SLIT2: variants seen among roughly 807,000 people sequenced by gnomAD.
SLIT2 encodes the protein slit guidance ligand 2, also known as slit homolog 2 protein.
In SLIT2, 41 loss-of-function variants were observed where a neutral mutation model predicts 185.7. The observed-to-expected ratio is 0.22, with a 90% CI of 0.17 to 0.29. The LOEUF is 0.29. Among genes scored for constraint, SLIT2 ranks in the 10% least tolerant of loss-of-function variants. The probability of loss-of-function intolerance (pLI) is 1.00; values close to 1 mark genes in which losing one functional copy is unlikely to be tolerated. For missense variants in SLIT2, 1,571 were observed against 1,909.0 expected (o/e 0.82, Z 3.30); for synonymous variants, 693 against 680.2 (o/e 1.02, Z -0.29).
chr4:20,374,206 A>G (rs968544184), intron 4 of SLIT2, among the ~76,000 whole-genome samples: 3 of 152,100 alleles, frequency 2.0e-5, no homozygotes, highest in African/African-American at 7.2e-5. Flanking sequence ...GTCTGGAGGA[A>G]TGAACACCAG....
In SLIT2 at chr4:20,542,501, T is replaced by G; in HGVS notation, c.2151T>G (p.Asp717Glu). 6.2e-7 allele frequency: 1 copy of G among 1,613,478 alleles called. No individual in the cohort carries two copies. The highest frequency in any genetic ancestry group is 8.5e-7 in the Non-Finnish European group (1 of 1,179,678). The part of the protein sequence containing the change: ...IQDFTCDDGN[D>E]DNSCSPLSRC... Reference sequence around the variant, plus strand: ...ATTTCCTCTGCGATTTAGGAAATGATGACAATAGTTGCTCCCCACTTTCTC... The same window carrying G: ...ATTTCCTCTGCGATTTAGGAAATGAGGACAATAGTTGCTCCCCACTTTCTC... Residue 717 changes from aspartate to glutamate, a missense_variant, in exon 21 of 37, where the codon GAT becomes GAG. Around this residue, in one of 3 missense-constraint regions of SLIT2, gnomAD observed 1,202 missense variants for 1,416.4 expected, o/e 0.85. Coordinates refer to ENST00000504154, the MANE Select transcript of SLIT2 (RefSeq NM_004787.4).
chr4:20,580,849 T>C (rs914813399), intron 29 of SLIT2, among the ~76,000 whole-genome samples: 6 of 152,276 alleles, frequency 3.9e-5, no homozygotes, highest in Admixed American at 3.9e-4. Flanking sequence ...GCACCGCTTA[T>C]TACAGACTGA....
In SLIT2 at chr4:20,620,316, C is replaced by T. The variant is rs940185405; in HGVS notation, c.*1307C>T. 1 of 394,910 alleles carries T rather than the reference C, an allele frequency of 2.5e-6. No homozygotes were observed. Among genetic ancestry groups the T allele is most frequent in the Non-Finnish European group, 4.9e-6 (1 of 203,716 alleles). 24.5% of individuals were successfully genotyped at this position (394,910 alleles called of 1,614,324 possible). A position where few individuals can be genotyped will look rare whatever the true frequency, so the allele number is the denominator to read the frequency against. ...AAAACTCCTTTATTATCTTAATGCT[C>T]CCATGTTAACATGTTTGCTGCTAAA... On this transcript the variant is annotated 3_prime_UTR_variant, in exon 37 of 37. Coordinates refer to ENST00000504154, the MANE Select transcript of SLIT2 (RefSeq NM_004787.4).
At chr4:20,334,931 T>G (rs931434599) in intron 4 of SLIT2, among the ~76,000 whole-genome samples, 1 of 152,194 alleles carries the variant, frequency 6.6e-6, no homozygotes, top group East Asian at 1.9e-4. Context: ...ATATGTATAG[T>G]AATTAATAAA....
chr4:20,478,546 G>A (rs1716357371), intron 5 of SLIT2, among the ~76,000 whole-genome samples: 1 of 152,186 alleles, frequency 6.6e-6, no homozygotes, highest in Non-Finnish European at 1.5e-5. Context: ...TCCCCTTTGT[G>A]TATTGTGTGC....
chr4:20,347,308 C>T (rs927793559), intron 4 of SLIT2, among the ~76,000 whole-genome samples: 3 of 152,190 alleles, frequency 2.0e-5, no homozygotes, highest in African/African-American at 4.8e-5. Flanking sequence ...TTTCATGATA[C>T]CATATACTGT....
chr4:20,508,250 G>A (rs540067287), intron 9 of SLIT2, among the ~76,000 whole-genome samples: 4 of 152,108 alleles, frequency 2.6e-5, no homozygotes, highest in African/African-American at 9.6e-5. Context: ...GAACAGAGGA[G>A]TTAAGAGGAT....
intron 8 of SLIT2, chr4:20,490,829 CT>C: frequency 2.6e-6 from 4 of 1,514,068 alleles, no homozygotes; most frequent in Non-Finnish European, 2.7e-6. Flanking sequence ...GTTCACATTT[CT>C]TTTTTAGACC....
At chr4:20,275,363 C>A (rs921172772) in intron 4 of SLIT2, among the ~76,000 whole-genome samples, 1 of 152,074 alleles carries the variant, frequency 6.6e-6, no homozygotes, top group Non-Finnish European at 1.5e-5. Flanking sequence ...TGGGAAGGAT[C>A]ATACAATTTA....
chr4:20,584,422 ATAACATT>A (rs1726873228), intron 29 of SLIT2, among the ~76,000 whole-genome samples: 1 of 152,236 alleles, frequency 6.6e-6, no homozygotes, highest in Non-Finnish European at 1.5e-5. Flanking sequence ...AAGGTGACCC[ATAACATT>A]TATCATCCAA....
Position 20,528,545 on chromosome 4 carries a change from C to T in SLIT2, c.1463-404C>T, listed in dbSNP as rs1472858626. On this transcript the variant is annotated intron_variant, in intron 15 of 36. Coordinates refer to ENST00000504154, the MANE Select transcript of SLIT2 (RefSeq NM_004787.4). This position sits in a 1 kb window ranked among gnomAD's most constrained non-coding sequence, Gnocchi z 4.2. ...TAAAAGCCTGAGTATATCTATTTGC[C>T]TTGAAAGCCCTAATTTACAATGAGA... Among the ~76,000 whole-genome samples, 1 of 151,850 alleles carries T rather than the reference C, an allele frequency of 6.6e-6. No individual in the cohort carries two copies. Among genetic ancestry groups the T allele is most frequent in the Non-Finnish European group, 1.5e-5 (1 of 67,994 alleles).
chr4:20,507,261 A>G (rs752263471), intron 9 of SLIT2, among the ~76,000 whole-genome samples: 4 of 152,048 alleles, frequency 2.6e-5, no homozygotes, highest in Non-Finnish European at 4.4e-5. Flanking sequence ...GGTGACAATC[A>G]TTGAAATTAG....
intron 26 of SLIT2, among the ~76,000 whole-genome samples, chr4:20,555,923 G>A (rs147923355): frequency 6.6e-6 from 1 of 151,200 alleles, no homozygotes; most frequent in African/African-American, 2.4e-5. Context: ...TCATTTTTTT[G>A]CTCCAAAAAC....
chr4:20,275,504 C>T (rs1200840811), intron 4 of SLIT2, among the ~76,000 whole-genome samples: 1 of 152,198 alleles, frequency 6.6e-6, no homozygotes, highest in Non-Finnish European at 1.5e-5. Context: ...ATGATAGTCA[C>T]TCAGATGTCC....
chr4:20,451,696 C>A (rs1302194628), intron 4 of SLIT2, among the ~76,000 whole-genome samples: 1 of 152,122 alleles, frequency 6.6e-6, no homozygotes, highest in Non-Finnish European at 1.5e-5. Flanking sequence ...TTATGCAGTA[C>A]CTTTGTAACA....
In SLIT2 at chr4:20,619,034, T is replaced by C. The variant is rs770185039; in HGVS notation, c.*25T>C. 6.2e-7 allele frequency: 1 copy of C among 1,601,714 alleles called. No homozygotes were observed. Among genetic ancestry groups the C allele is most frequent in the Non-Finnish European group, 8.5e-7 (1 of 1,169,834 alleles). On this transcript the variant is annotated 3_prime_UTR_variant, in exon 37 of 37. Transcript: ENST00000504154. ...AACACACTCCCGGCAGCTCTGTCTT[T>C]GGAAAAGGTTGTATACTTCTTGACC...
At chr4:20,311,635 T>C (rs1718116916) in intron 4 of SLIT2, among the ~76,000 whole-genome samples, 1 of 152,154 alleles carries the variant, frequency 6.6e-6, no homozygotes. Flanking sequence ...CATTTTAGAG[T>C]TATAGAAAAT....
chr4:20,284,349 T>C (rs1369124441), intron 4 of SLIT2, among the ~76,000 whole-genome samples: 3 of 152,252 alleles, frequency 2.0e-5, no homozygotes, highest in African/African-American at 7.2e-5. Context: ...ATTGTCATTA[T>C]TAGCTTACTA....
At chr4:20,617,733 GA>G (rs66600811) in intron 36 of SLIT2, 83 bp downstream of exon 36, 257,788 of 494,518 alleles carry the variant, frequency 0.52, 34,118 homozygotes, top group African/African-American at 0.73. Context: ...GAGAAAAAGT[GA>G]AAAAAAAAAA....
Sources: gnomAD v4.1 joint callset for allele counts (sites outside exome capture counted in the v4.1 genomes callset) on GRCh38, gnomAD v4.1.1 for gene constraint, gnomAD v4.1.1 regional missense constraint, Gnocchi (gnomAD v3.1) non-coding constraint, MANE v1.5 for transcripts, NCBI Gene and HGNC (gene_info 2026-07-23, HGNC 2026-07-21) for gene names.